MAST4: variants seen among roughly 807,000 people sequenced by gnomAD.
MAST4 encodes the protein microtubule associated serine/threonine kinase family member 4, also known as microtubule-associated serine/threonine-protein kinase 4.
A neutral mutation model predicts 162.7 loss-of-function variants in MAST4; 89 were observed. That is an observed-to-expected ratio of 0.55 (90% CI 0.46 to 0.65). MAST4 has a LOEUF of 0.65. Among genes scored for constraint, MAST4 ranks in the 30% least tolerant of loss-of-function variants. The probability of loss-of-function intolerance (pLI) is 0.00; values close to 1 mark genes in which losing one functional copy is unlikely to be tolerated. For synonymous variants in MAST4, 1,479 were observed against 1,361.1 expected (o/e 1.09, Z -1.91); for missense variants, 3,153 against 3,374.0 (o/e 0.93, Z 1.62).
intron 1 of MAST4, among the ~76,000 whole-genome samples, chr5:66,676,536 C>A (rs1422886273): frequency 6.6e-6 from 1 of 152,078 alleles, no homozygotes; most frequent in East Asian, 1.9e-4. Flanking sequence ...AGCTTTCAGA[C>A]CTGGGAATAC....
intron 3 of MAST4, among the ~76,000 whole-genome samples, chr5:66,849,214 T>C (rs570170314): frequency 3.3e-5 from 5 of 152,156 alleles, no homozygotes; most frequent in Admixed American, 2.6e-4. Context: ...GATGGAAATT[T>C]TGGGGGGTTC....
intron 5 of MAST4, among the ~76,000 whole-genome samples, chr5:67,064,082 G>A (rs1371440796): frequency 2.0e-5 from 3 of 152,164 alleles, no homozygotes; most frequent in Admixed American, 1.3e-4. Flanking sequence ...CTGTGTTGGC[G>A]ATGTCAGTTG....
chr5:66,741,396 G>A (rs1241375912), intron 1 of MAST4, among the ~76,000 whole-genome samples: 2 of 152,082 alleles, frequency 1.3e-5, no homozygotes, highest in Non-Finnish European at 2.9e-5. Context: ...ATATAAATCA[G>A]GCACCCACAA....
chr5:67,152,844 A>T lies in MAST4; in HGVS notation c.3503A>T (p.Tyr1168Phe). The T allele has an allele frequency of 1.9e-6, 3 of 1,614,020 alleles. No homozygotes were observed. Among genetic ancestry groups the T allele is most frequent in the Non-Finnish European group, 2.5e-6 (3 of 1,179,854 alleles). ...IRVYVGDSDI[Y>F]TVHHIVWNVE... ...GTGTATGTGGGAGACAGTGACATCT[A>T]TACAGTGCACCATATCGTCTGGGTA... is the stretch of plus-strand genomic sequence containing the variant. Residue 1168 changes from tyrosine to phenylalanine, a missense_variant, in exon 25 of 29, where the codon TAT (tyrosine) becomes TTT (phenylalanine). Physicochemically the swap from Tyr to Phe is conservative, Grantham distance 22. Transcript: ENST00000403625.
chr5:67,082,648 TTG>T (rs1762810347), intron 5 of MAST4, among the ~76,000 whole-genome samples: 1 of 152,160 alleles, frequency 6.6e-6, no homozygotes, highest in South Asian at 2.1e-4. Context: ...GATAATAACA[TTG>T]TATCAATATT....
intron 4 of MAST4, among the ~76,000 whole-genome samples, chr5:66,988,294 T>A (rs1192359948): frequency 8.5e-5 from 13 of 152,166 alleles, no homozygotes; most frequent in African/African-American, 3.1e-4. Flanking sequence ...GAAAAAACTT[T>A]GGGAAGGAAA....
chr5:67,137,470 G>A (rs1056209078), intron 19 of MAST4, among the ~76,000 whole-genome samples: 1 of 152,184 alleles, frequency 6.6e-6, no homozygotes, highest in African/African-American at 2.4e-5. Flanking sequence ...GGCTTGATGG[G>A]TTGTTTACTC....
chr5:66,935,636 A>T lies in MAST4; in HGVS notation c.674+35654A>T, dbSNP rs550284285. On this transcript the variant is annotated intron_variant, in intron 4 of 28. Transcript: ENST00000403625. Reference sequence around the variant, plus strand: ...TCTAACTGTGCTCCTCAGTTGTCAGATGCTTCTCCATAGACTTTTTTCTTT... The same window carrying T: ...TCTAACTGTGCTCCTCAGTTGTCAGTTGCTTCTCCATAGACTTTTTTCTTT... Among the ~76,000 whole-genome samples, 52 of 151,174 alleles carry T rather than the reference A, an allele frequency of 3.4e-4. No homozygotes were observed. The South Asian group carries it at 0.011, about 31-fold the overall frequency.
At chr5:67,031,232 A>G (rs1252591576) in intron 4 of MAST4, among the ~76,000 whole-genome samples, 1 of 152,172 alleles carries the variant, frequency 6.6e-6, no homozygotes. Flanking sequence ...GATACAGAGA[A>G]TCTGTCAGCT....
chr5:67,149,343 TATCCTGGATTTTCC>T, intron 23 of MAST4, 32 bp from the exon 24 acceptor site: 1 of 1,552,618 alleles, frequency 6.4e-7, no homozygotes, highest in Middle Eastern at 2.0e-4. Flanking sequence ...CCACCTCTCC[TATCCTGGATTTTCC>T]TGAATGTGTT....
rs578234231 is a variant in MAST4, at chr5:66,968,267, A to G, written c.674+68285A>G. On this transcript the variant is annotated intron_variant, in intron 4 of 28. Transcript: ENST00000403625. The stretch of plus-strand genomic sequence containing the variant: ...TGGCTGCATGTCTTGTGTTCCTTGT[A>G]TTTTACTTCTTCCATCTTTTTCTTT... Among the ~76,000 whole-genome samples, 16 of 152,148 alleles carry G rather than the reference A, an allele frequency of 1.1e-4. 1 individual carries two copies. In the South Asian group the frequency reaches 3.3e-3, roughly 32 times the overall value.
rs1742202533 is a variant in MAST4, at chr5:66,596,753, C to T, written c.98C>T (p.Ser33Phe). 1.4e-6 allele frequency: 2 copies of T among 1,402,974 alleles called. No homozygotes were observed. The highest frequency in any genetic ancestry group is 1.9e-6 in the Non-Finnish European group (2 of 1,076,708). The allele number at this position is 1,402,974 out of a possible 1,614,324, so 86.9% of individuals were successfully genotyped here. A position where few individuals can be genotyped will look rare whatever the true frequency, so the allele number is the denominator to read the frequency against. ...GCCTCTGCGCTGGTCGCCGCGTCCT[C>T]TCCGGGTGCTTCCTCGGCCGAGTCC... ...TPASALVAAS[S>F]PGASSAESSS... The change falls in exon 1 of 29, where the codon TCT becomes TTT. Residue 33 changes from serine (S) to phenylalanine (F), a missense_variant. Ser to Phe is a radical substitution (Grantham distance 155). Coordinates refer to ENST00000403625, the MANE Select transcript of MAST4 (RefSeq NM_001164664.2).
At chr5:66,883,422 GTTT>G (rs36071165) in intron 3 of MAST4, among the ~76,000 whole-genome samples, 37,795 of 94,996 alleles carry the variant, frequency 0.4, 5,857 homozygotes, top group Non-Finnish European at 0.43. Flanking sequence ...TTCTGTCACT[GTTT>G]TTTTTTTTTT....
intron 1 of MAST4, among the ~76,000 whole-genome samples, chr5:66,746,317 T>G (rs1005552906): frequency 6.6e-6 from 1 of 152,140 alleles, no homozygotes; most frequent in Non-Finnish European, 1.5e-5. Flanking sequence ...GAGGTTAAGG[T>G]TGACTTTCCA....
intron 5 of MAST4, among the ~76,000 whole-genome samples, chr5:67,070,356 T>C (rs1212587178): frequency 1.3e-5 from 2 of 152,142 alleles, no homozygotes; most frequent in Non-Finnish European, 2.9e-5. Flanking sequence ...ACTGTTCCTA[T>C]TGTTGACAAA....
At chr5:66,859,799 A>T (rs1759962903) in intron 3 of MAST4, among the ~76,000 whole-genome samples, 2 of 152,234 alleles carry the variant, frequency 1.3e-5, no homozygotes, top group Admixed American at 6.5e-5. Flanking sequence ...GATAGCAGTG[A>T]TGGCAGAAGA....
At chr5:66,716,853 C>T (rs1003124729) in intron 1 of MAST4, among the ~76,000 whole-genome samples, 1 of 152,176 alleles carries the variant, frequency 6.6e-6, no homozygotes, top group Non-Finnish European at 1.5e-5. Context: ...GAACTGATGT[C>T]ACCTTTATCA....
chr5:66,920,827 G>A (rs894148862), intron 4 of MAST4, among the ~76,000 whole-genome samples: 4 of 152,120 alleles, frequency 2.6e-5, no homozygotes, highest in Admixed American at 6.6e-5. Flanking sequence ...TTCCAGGGCT[G>A]CCTAATTTCT....
Position 66,788,653 on chromosome 5 carries a change from C to A in MAST4, c.518-17C>A. On this transcript the variant is annotated splice_polypyrimidine_tract_variant and intron_variant, in intron 2 of 28. Transcript: ENST00000403625. ...GGCTGCCTGTCACTTACATTTTCTT[C>A]TCTTTAACTCCAACAGGGAGGTACC... 1.5e-6 allele frequency: 2 copies of A among 1,342,164 alleles called. No individual in the cohort carries two copies. The highest frequency in any genetic ancestry group is 1.1e-5 in the South Asian group (1 of 87,394). The allele number at this position is 1,342,164 out of a possible 1,614,324, so 83.1% of individuals were successfully genotyped here. A position where few individuals can be genotyped will look rare whatever the true frequency, so the allele number is the denominator to read the frequency against.
Sources: allele counts gnomAD v4.1 joint callset (sites outside exome capture counted in the v4.1 genomes callset), GRCh38; gene constraint gnomAD v4.1.1; transcripts MANE v1.5; gene names NCBI Gene and HGNC (gene_info 2026-07-23, HGNC 2026-07-21).